The following TSPEAR variants were observed in gnomAD, a reference collection of about 807,000 sequenced individuals.
TSPEAR encodes the protein thrombospondin-type laminin G domain and EAR repeat-containing protein.
TSPEAR carries 69 observed loss-of-function variants against 71.6 expected under a neutral mutation model. That is an observed-to-expected ratio of 0.96 (90% CI 0.79 to 1.18). The LOEUF (loss-of-function observed/expected upper bound fraction) is 1.18, where lower values mean the gene tolerates loss of function less well. Among genes scored for constraint, TSPEAR ranks in the 50% most tolerant of loss-of-function variants. TSPEAR has a pLI of 0.00. For synonymous variants in TSPEAR, 402 were observed against 387.2 expected (o/e 1.04, Z -0.45); for missense variants, 971 against 894.9 (o/e 1.09, Z -1.09).
chr21:44,579,969 T>A lies in TSPEAR; in HGVS notation c.83-11964A>T, dbSNP rs372237792. 7.6e-5 allele frequency: 123 copies of A among 1,613,478 alleles called. No homozygotes were observed. Among genetic ancestry groups the A allele is most frequent in the Non-Finnish European group, 9.7e-5 (114 of 1,179,880 alleles). ...GTGGTGCAGCAAGCCGGCTGACAGCTAGACTGCTGGCAGCATGAAGTGGAA... is the reference window on the plus strand; with the variant it reads ...GTGGTGCAGCAAGCCGGCTGACAGCAAGACTGCTGGCAGCATGAAGTGGAA... On this transcript the variant is annotated intron_variant, in intron 1 of 11. Coordinates refer to ENST00000323084, the MANE Select transcript of TSPEAR (RefSeq NM_144991.3).
intron 9 of TSPEAR, among the ~76,000 whole-genome samples, chr21:44,513,730 CAAAG>C (rs1211570059): frequency 2.6e-5 from 4 of 152,154 alleles, no homozygotes; most frequent in African/African-American, 7.2e-5. Flanking sequence ...TTTGATAGGG[CAAAG>C]AAAGAGGATG....
At chr21:44,652,110 A>C (rs1984838844) in intron 1 of TSPEAR, among the ~76,000 whole-genome samples, 2 of 150,938 alleles carry the variant, frequency 1.3e-5, no homozygotes, top group African/African-American at 2.4e-5. Flanking sequence ...CAGCCTCCCG[A>C]ATAGCTGGGA....
chr21:44,514,737 A>G (rs782339695), intron 9 of TSPEAR, among the ~76,000 whole-genome samples: 1 of 152,196 alleles, frequency 6.6e-6, no homozygotes, highest in Non-Finnish European at 1.5e-5. Context: ...AGGCCCAGTC[A>G]TTGGAGGCCT....
At chr21:44,534,045 G>A in intron 2 of TSPEAR, 122 bp from the exon 3 acceptor site, 3 of 725,522 alleles carry the variant, frequency 4.1e-6, no homozygotes, top group Non-Finnish European at 7.0e-6. Flanking sequence ...GCTGACTGGA[G>A]GGGCGAGGTG....
Position 44,612,907 on chromosome 21 carries a change from C to A in TSPEAR, c.83-44902G>T. ...GCCTCTGCTCAGGCCAGGAGTCCAG[C>A]TGCTGATGGGCACGTCCCCCAGGGC... is the stretch of plus-strand genomic sequence containing the variant. On this transcript the variant is annotated intron_variant, in intron 1 of 11. Coordinates refer to ENST00000323084, the MANE Select transcript of TSPEAR (RefSeq NM_144991.3). This position sits in a 1 kb window ranked among gnomAD's most constrained non-coding sequence, Gnocchi z 4.1. The A allele has an allele frequency of 1.9e-6, 3 of 1,606,520 alleles. No homozygotes were observed. The highest frequency in any genetic ancestry group is 1.7e-6 in the Non-Finnish European group (2 of 1,177,662).
At chr21:44,569,960 C>A (rs1212812570) in intron 1 of TSPEAR, among the ~76,000 whole-genome samples, 2 of 152,072 alleles carry the variant, frequency 1.3e-5, no homozygotes, top group Non-Finnish European at 2.9e-5. Context: ...CGTCCTGGGT[C>A]CCCTGGAAAG....
At chr21:44,500,129 G>A (rs2052001899) in intron 11 of TSPEAR, among the ~76,000 whole-genome samples, 193 bp from the exon 12 acceptor site, 1 of 152,216 alleles carries the variant, frequency 6.6e-6, no homozygotes, top group Non-Finnish European at 1.5e-5. Context: ...AAAGCAGGAG[G>A]CTGAGGCCCA....
At chr21:44,652,747 G>C (rs1984888178) in intron 1 of TSPEAR, among the ~76,000 whole-genome samples, 1 of 152,006 alleles carries the variant, frequency 6.6e-6, no homozygotes, top group Non-Finnish European at 1.5e-5. Context: ...AGGTTTTCTG[G>C]GACTCCAGTT....
chr21:44,592,601 C>T, intron 1 of TSPEAR: 1 of 1,469,946 alleles, frequency 6.8e-7, no homozygotes, highest in Non-Finnish European at 9.1e-7. Context: ...TTCCGTGTTG[C>T]CGAGAGCTGG....
intron 1 of TSPEAR, among the ~76,000 whole-genome samples, chr21:44,631,920 A>C (rs1983279831): frequency 6.6e-6 from 1 of 152,062 alleles, no homozygotes; most frequent in African/African-American, 2.4e-5. Context: ...GCCTGGGGGG[A>C]GGAGGAGGAA....
intron 1 of TSPEAR, chr21:44,579,673 A>G: frequency 6.6e-7 from 1 of 1,515,746 alleles, no homozygotes; most frequent in Non-Finnish European, 8.8e-7. Context: ...CCCCGTCCCA[A>G]GCGGGGGCAA....
At chr21:44,533,565 T>TGGTCAGCTCCTGCCCCA in intron 3 of TSPEAR, 120 bp downstream of exon 3, 1 of 848,560 alleles carries the variant, frequency 1.2e-6, no homozygotes, top group Non-Finnish European at 1.8e-6. Context: ...CTCCTGACCC[T>TGGTCAGCTCCTGCCCCA]GGTCAGCTCC....
Position 44,499,621 on chromosome 21 carries a change from C to T in TSPEAR, c.*162G>A. 1.5e-6 allele frequency: 1 copy of T among 675,650 alleles called. No homozygotes were observed. Among genetic ancestry groups the T allele is most frequent in the African/African-American group, 1.9e-5 (1 of 52,356 alleles). The allele number at this position is 675,650 out of a possible 1,614,324, so 41.9% of individuals were successfully genotyped here. A position where few individuals can be genotyped will look rare whatever the true frequency, so the allele number is the denominator to read the frequency against. The stretch of plus-strand genomic sequence containing the variant: ...AGGACTCAGAGGTGGATGGATGTCC[C>T]TGCCCGAACCAGGGCCGCAGATGGC... On this transcript the variant is annotated 3_prime_UTR_variant, in exon 12 of 12. Coordinates refer to ENST00000323084, the MANE Select transcript of TSPEAR (RefSeq NM_144991.3).
intron 1 of TSPEAR, chr21:44,601,065 C>T: frequency 6.2e-7 from 1 of 1,611,832 alleles, no homozygotes; most frequent in Non-Finnish European, 8.5e-7. Context: ...GCTGCACCTC[C>T]TCCCCCTGCC....
At chr21:44,666,929 G>A in intron 1 of TSPEAR, 2 of 1,586,506 alleles carry the variant, frequency 1.3e-6, no homozygotes, top group South Asian at 1.2e-5. Context: ...GGGCAGTGAT[G>A]TCTGGGGACG....
At chr21:44,690,369 C>T (rs552396506) in intron 1 of TSPEAR, among the ~76,000 whole-genome samples, 27 of 152,272 alleles carry the variant, frequency 1.8e-4, no homozygotes, top group East Asian at 1.7e-3. Context: ...GAAAAATGAA[C>T]GGAAAAATCC....
At chr21:44,529,071 C>T (rs587755452) in intron 5 of TSPEAR, among the ~76,000 whole-genome samples, 48 of 152,306 alleles carry the variant, frequency 3.2e-4, no homozygotes, top group African/African-American at 6.7e-4. Context: ...ACCTGCCAGC[C>T]GGTGCTGGCC....
At chr21:44,698,664 G>A (rs1182512686) in intron 1 of TSPEAR, among the ~76,000 whole-genome samples, 6 of 152,190 alleles carry the variant, frequency 3.9e-5, no homozygotes, top group African/African-American at 9.7e-5. Flanking sequence ...AGGATGGCTC[G>A]CTCCACCTGC....
intron 3 of TSPEAR, among the ~76,000 whole-genome samples, chr21:44,533,263 G>T (rs1337974986): frequency 6.6e-6 from 1 of 152,202 alleles, no homozygotes; most frequent in Admixed American, 6.5e-5. Context: ...ACCTGTTCTC[G>T]CCAATGTCCA....
Sources: allele counts gnomAD v4.1 joint callset (sites outside exome capture counted in the v4.1 genomes callset), GRCh38; gene constraint gnomAD v4.1.1; non-coding constraint Gnocchi (gnomAD v3.1); transcripts MANE v1.5; gene names NCBI Gene and HGNC (gene_info 2026-07-23, HGNC 2026-07-21).